The following BMPER variants were observed in gnomAD, a reference collection of about 807,000 sequenced individuals.
BMPER encodes the protein BMP binding endothelial regulator, also known as BMP-binding endothelial regulator protein.
In BMPER, 45 loss-of-function variants were observed where a neutral mutation model predicts 87.3. That is an observed-to-expected ratio of 0.52 (90% confidence interval 0.41 to 0.66). BMPER has a LOEUF of 0.66. BMPER is among the 30% of genes least tolerant of loss of function. BMPER has a pLI of 0.00. For synonymous variants in BMPER, 326 were observed against 316.2 expected, an observed-to-expected ratio of 1.03 and a Z score of -0.33; for missense variants, 784 against 867.5, an observed-to-expected ratio of 0.90 and a Z score of 1.21.
At chr7:33,982,161 G>A (rs1230527245) in intron 6 of BMPER, among the ~76,000 whole-genome samples, 2 of 152,198 alleles carry the variant, frequency 1.3e-5, no homozygotes, top group African/African-American at 4.8e-5. Context: ...CAACTGTGCT[G>A]TTTCTCCTTT....
chr7:34,155,522 A>G lies in BMPER; in HGVS notation c.*2249A>G, dbSNP rs1791286355. 1 of 152,150 alleles carries G rather than the reference A, an allele frequency of 6.6e-6. No homozygotes were observed. The highest frequency in any genetic ancestry group is 6.5e-5 in the Admixed American group (1 of 15,282). 9.4% of individuals were successfully genotyped at this position (152,150 alleles called of 1,614,324 possible). On this transcript the variant is annotated 3_prime_UTR_variant, in exon 15 of 15. Transcript: ENST00000649409. ...TGGGTTGATTACAAGTTTGTGTGGCATTCCTTTAGCTGGGGATTAGCTTAA... is the reference window on the plus strand; with the variant it reads ...TGGGTTGATTACAAGTTTGTGTGGCGTTCCTTTAGCTGGGGATTAGCTTAA...
At chr7:34,098,535 C>G (rs1219619266) in intron 13 of BMPER, among the ~76,000 whole-genome samples, 1 of 152,108 alleles carries the variant, frequency 6.6e-6, no homozygotes, top group Non-Finnish European at 1.5e-5. Context: ...AAGAGTTGTT[C>G]TTTATGATCC....
intron 3 of BMPER, among the ~76,000 whole-genome samples, chr7:33,941,161 A>G (rs1419872908): frequency 7.4e-6 from 1 of 136,034 alleles, no homozygotes; most frequent in Non-Finnish European, 1.5e-5. Context: ...TATAATTTAT[A>G]TATTATATAT....
At chr7:34,077,370 C>G (rs1449653710) in intron 11 of BMPER, among the ~76,000 whole-genome samples, 1 of 152,168 alleles carries the variant, frequency 6.6e-6, no homozygotes, top group African/African-American at 2.4e-5. Flanking sequence ...GAAAAGCGAC[C>G]AAGAAAGGAA....
At position 34,153,203 on chromosome 7, in the gene BMPER, G is replaced by A. The variant is rs759549221; in HGVS notation, c.1988G>A (p.Cys663Tyr). Reference protein sequence around the residue: ...GPCNKPCVAGCHCPANLVLHK... With the variant: ...GPCNKPCVAGYHCPANLVLHK... ...TGCAACAAGCCGTGCGTTGCTGGGT[G>A]CCACTGTCCAGCAAACTTGGTCCTT... The change falls in exon 15 of 15, where the codon TGC (cysteine) becomes TAC (tyrosine). Residue 663 changes from cysteine (C) to tyrosine (Y), a missense_variant. Cys to Tyr is a radical substitution (Grantham distance 194). Transcript: ENST00000649409. 3 of 1,614,108 alleles carry A rather than the reference G, an allele frequency of 1.9e-6. No individual in the cohort carries two copies. Among genetic ancestry groups the A allele is most frequent in the Non-Finnish European group, 2.5e-6 (3 of 1,179,992 alleles).
chr7:33,944,016 G>A (rs1405327263), intron 3 of BMPER, among the ~76,000 whole-genome samples: 1 of 152,158 alleles, frequency 6.6e-6, no homozygotes, highest in African/African-American at 2.4e-5. Flanking sequence ...AAATGGTAGT[G>A]TTTTCACAGA....
intron 13 of BMPER, among the ~76,000 whole-genome samples, chr7:34,095,747 T>TC (rs894993657): frequency 9.9e-5 from 15 of 151,660 alleles, no homozygotes; most frequent in Non-Finnish European, 2.2e-4. Flanking sequence ...AGGCATGATT[T>TC]TTTTTAGTTA....
At chr7:33,921,816 AG>A (rs1307518766) in intron 2 of BMPER, 5 of 470,904 alleles carry the variant, frequency 1.1e-5, no homozygotes, top group East Asian at 7.0e-5. Flanking sequence ...CACAAAACCC[AG>A]GGTTTTATGA....
chr7:34,038,889 G>T (rs1787757754), intron 6 of BMPER, among the ~76,000 whole-genome samples: 1 of 152,166 alleles, frequency 6.6e-6, no homozygotes, highest in Non-Finnish European at 1.5e-5. Flanking sequence ...GGTTTTGGGG[G>T]TCAGAAAGCT....
At chr7:34,047,244 A>T (rs188299229) in intron 7 of BMPER, among the ~76,000 whole-genome samples, 1 of 151,866 alleles carries the variant, frequency 6.6e-6, no homozygotes, top group Non-Finnish European at 1.5e-5. Context: ...GCTTTTGCTT[A>T]TATGCTACCT....
At chr7:34,027,478 T>C (rs1453168008) in intron 6 of BMPER, among the ~76,000 whole-genome samples, 1 of 152,082 alleles carries the variant, frequency 6.6e-6, no homozygotes, top group Non-Finnish European at 1.5e-5. Flanking sequence ...CTCTTGAATA[T>C]ACCCCATTTA....
intron 9 of BMPER, among the ~76,000 whole-genome samples, 187 bp downstream of exon 9, chr7:34,055,490 T>C (rs1419265083): frequency 6.6e-6 from 1 of 152,212 alleles, no homozygotes; most frequent in African/African-American, 2.4e-5. Context: ...TAGAATCAAG[T>C]GCAGATAGGG....
intron 13 of BMPER, among the ~76,000 whole-genome samples, chr7:34,089,633 AC>A (rs1789322092): frequency 2.0e-5 from 3 of 151,902 alleles, no homozygotes; most frequent in Admixed American, 1.3e-4. Context: ...ATAGGCGCCC[AC>A]CACCACACCC....
intron 3 of BMPER, among the ~76,000 whole-genome samples, chr7:33,957,240 T>G (rs1434326260): frequency 6.6e-6 from 1 of 151,722 alleles, no homozygotes; most frequent in Non-Finnish European, 1.5e-5. Context: ...CTGTGGTATA[T>G]CCATACCAAG....
intron 7 of BMPER, 74 bp downstream of exon 7, chr7:34,046,479 T>C: frequency 6.8e-7 from 1 of 1,480,152 alleles, no homozygotes. Context: ...TTTATCCACG[T>C]TGTTGTTTTG....
intron 2 of BMPER, among the ~76,000 whole-genome samples, chr7:33,933,584 A>G (rs1784531212): frequency 1.3e-5 from 2 of 152,024 alleles, no homozygotes; most frequent in African/African-American, 4.8e-5. Flanking sequence ...TCTGGCTTTC[A>G]GAGGCATGAT....
rs138915683 is a variant in BMPER, at chr7:34,097,098, C to T, written c.1745+11006C>T. ...AGGATATGCTGGATGCTATGAGAAA[C>T]GTACTCTGCCTGGGGGCTGGCTTCC... On this transcript the variant is annotated intron_variant, in intron 13 of 14. Coordinates refer to ENST00000649409, the MANE Select transcript of BMPER (RefSeq NM_001365308.1). Among the ~76,000 whole-genome samples, 1,005 of 152,290 alleles carry T rather than the reference C, an allele frequency of 6.6e-3. 9 individuals carry two copies. Among genetic ancestry groups the T allele is most frequent in the Non-Finnish European group, 0.011 (752 of 68,012 alleles).
At chr7:34,009,531 T>C (rs1021329743) in intron 6 of BMPER, among the ~76,000 whole-genome samples, 5 of 151,920 alleles carry the variant, frequency 3.3e-5, no homozygotes, top group Non-Finnish European at 1.5e-5. Context: ...CAGACTTAGC[T>C]GTTGGGGAAT....
chr7:34,136,489 G>GT (rs1790722603), intron 13 of BMPER, among the ~76,000 whole-genome samples: 2 of 152,258 alleles, frequency 1.3e-5, no homozygotes, highest in East Asian at 1.9e-4. Context: ...TAAAATGTGA[G>GT]TTTTTTAATA....
Sources: allele counts gnomAD v4.1 joint callset (sites outside exome capture counted in the v4.1 genomes callset), GRCh38; gene constraint gnomAD v4.1.1; transcripts MANE v1.5; gene names NCBI Gene and HGNC (gene_info 2026-07-23, HGNC 2026-07-21).